GUK1: variants seen among roughly 807,000 people sequenced by gnomAD.
The protein encoded by GUK1 is guanylate kinase 1.
Under a neutral mutation model 25.2 loss-of-function variants are expected in GUK1, and 18 were observed. The observed-to-expected ratio is 0.71, with a 90% CI of 0.49 to 1.06. The LOEUF (loss-of-function observed/expected upper bound fraction) is 1.06, where lower values mean the gene tolerates loss of function less well. Among genes scored for constraint, GUK1 ranks in the 50% least tolerant of loss-of-function variants. The pLI is 0.00. For synonymous variants in GUK1, 105 were observed against 117.6 expected (o/e 0.89, Z 0.69); for missense variants, 261 against 276.7 (o/e 0.94, Z 0.40).
In GUK1 at chr1:228,148,355, C is replaced by T; in HGVS notation, c.476-16C>T. On this transcript the variant is annotated splice_polypyrimidine_tract_variant and intron_variant, in intron 7 of 8. Coordinates refer to ENST00000312726, the MANE Select transcript of GUK1 (RefSeq NM_000858.7). ...GCATGGGCTCACTGTGCCCTGACCC[C>T]AGGCCCCACCCACAGGCAAGGAGCC... The T allele has an allele frequency of 1.3e-6, 2 of 1,550,952 alleles. No homozygotes were observed. Among genetic ancestry groups the T allele is most frequent in the Non-Finnish European group, 1.8e-6 (2 of 1,138,046 alleles).
At chr1:228,147,137 A>G (rs2034427570) in intron 5 of GUK1, among the ~76,000 whole-genome samples, 199 bp downstream of exon 4, 1 of 152,056 alleles carries the variant, frequency 6.6e-6, no homozygotes, top group African/African-American at 2.4e-5. Flanking sequence ...CGGTCCTGCC[A>G]CCGTGCATTG....
rs1465103706 is a variant in GUK1 at position 228,148,844 on chromosome 1, C to G, written c.*147C>G. The G allele has an allele frequency of 6.5e-7, 1 of 1,539,074 alleles. No individual in the cohort carries two copies. Among genetic ancestry groups the G allele is most frequent in the South Asian group, 1.2e-5 (1 of 84,796 alleles). On this transcript the variant is annotated 3_prime_UTR_variant, in exon 9 of 9. Coordinates refer to ENST00000312726, the MANE Select transcript of GUK1 (RefSeq NM_000858.7). ...ATGCTGCCCCTGTGGTTGGAACATC[C>G]TGGGGTGACCCCCGACCCAGCCTCG...
intron 4 of GUK1, 25 bp from the exon 4 acceptor site, chr1:228,146,817 C>G (rs1283991518): frequency 4.6e-6 from 7 of 1,535,024 alleles, no homozygotes; most frequent in Non-Finnish European, 6.3e-6. Flanking sequence ...AGTCTGCCCT[C>G]TGGATGGCCC....
chr1:228,145,361 A>C, intron 2 of GUK1, 150 bp from the exon 2 acceptor site: 1 of 772,000 alleles, frequency 1.3e-6, no homozygotes, highest in Non-Finnish European at 2.0e-6. Flanking sequence ...CTCAGGGGGA[A>C]GAACACCCAG....
chr1:228,146,439 C>T, intron 4 of GUK1: 1 of 436,890 alleles, frequency 2.3e-6, no homozygotes, highest in Non-Finnish European at 4.2e-6. Flanking sequence ...AAGGGACCCC[C>T]TTCCCAACAG....
At chr1:228,142,402 A>T (rs1475062466) in intron 2 of GUK1, among the ~76,000 whole-genome samples, 1 of 152,092 alleles carries the variant, frequency 6.6e-6, no homozygotes, top group Non-Finnish European at 1.5e-5. Context: ...GCGAGGCTGG[A>T]GCCTGGACCC....
chr1:228,144,643 TG>T, intron 2 of GUK1: 1 of 812,660 alleles, frequency 1.2e-6, no homozygotes, highest in Non-Finnish European at 1.5e-6. Flanking sequence ...CTTAGAAGGG[TG>T]GGGCCAGAAG....
At chr1:228,147,375 G>A in intron 5 of GUK1, 31 bp from the exon 5 acceptor site, 1 of 1,597,862 alleles carries the variant, frequency 6.3e-7, no homozygotes, top group Non-Finnish European at 8.5e-7. Flanking sequence ...GAGAGCCCTG[G>A]CACCCCTGCT....
At chr1:228,146,735 G>A (rs55873533) in intron 4 of GUK1, 107 bp from the exon 4 acceptor site, 221,169 of 764,528 alleles carry the variant, frequency 0.29, 35,675 homozygotes, top group Non-Finnish European at 0.35. Flanking sequence ...TAAAGCAGTC[G>A]TGGGTGTGGG....
chr1:228,147,563 T>G lies in GUK1; in HGVS notation c.390+19T>G, dbSNP rs753229813. ...CGTGCTGGTGTGTGCTGGGCAGGGT[T>G]GGGGGCTGGGGGCCAGGGCATGCCA... On this transcript the variant is annotated intron_variant, in intron 6 of 8. Transcript: ENST00000312726. The G allele has an allele frequency of 1.2e-6, 2 of 1,613,004 alleles. No individual in the cohort carries two copies. Among genetic ancestry groups the G allele is most frequent in the Admixed American group, 1.7e-5 (1 of 60,018 alleles).
intron 3 of GUK1, 81 bp downstream of exon 2, chr1:228,145,705 C>G: frequency 6.6e-7 from 1 of 1,508,908 alleles, no homozygotes; most frequent in African/African-American, 1.4e-5. Flanking sequence ...GGCCAGGAGC[C>G]CAAACCCAAC....
chr1:228,148,620 T>C, intron 8 of GUK1, 45 bp from the exon 8 acceptor site: 2 of 1,547,838 alleles, frequency 1.3e-6, no homozygotes, highest in Non-Finnish European at 1.8e-6. Flanking sequence ...GCCCAGCCCT[T>C]CCTGGATACC....
intron 2 of GUK1, chr1:228,145,235 T>C (rs747874663): frequency 2.7e-5 from 7 of 257,228 alleles, no homozygotes; most frequent in East Asian, 2.4e-4. Flanking sequence ...TGGGTTTCAG[T>C]TGGGGGGCTC....
intron 8 of GUK1, 53 bp from the exon 8 acceptor site, chr1:228,148,612 C>G: frequency 6.6e-7 from 1 of 1,509,612 alleles, no homozygotes; most frequent in Non-Finnish European, 9.1e-7. Context: ...AGCAGGAAGC[C>G]CAGCCCTTCC....
upstream of GUK1, chr1:228,140,200 A>G (rs1197811029): frequency 2.1e-6 from 2 of 933,314 alleles, no homozygotes; most frequent in Admixed American, 4.8e-5. Flanking sequence ...CGAGTGAGAC[A>G]TGGGCGGGGC....
At position 228,147,512 on chromosome 1, in the gene GUK1, A is replaced by G. The variant is rs2034449678; in HGVS notation, c.358A>G (p.Ile120Val). 2 of 1,613,198 alleles carry G rather than the reference A, an allele frequency of 1.2e-6. No individual in the cohort carries two copies. Among genetic ancestry groups the G allele is most frequent in the Non-Finnish European group, 1.7e-6 (2 of 1,179,934 alleles). Reference sequence around the variant, plus strand: ...GGCCACCGATCTGCGGCCCATCTACATCTCTGTGCAGCCGCCTTCACTGCA... The same window carrying G: ...GGCCACCGATCTGCGGCCCATCTACGTCTCTGTGCAGCCGCCTTCACTGCA... Residue 120 changes from isoleucine to valine, a missense_variant, in exon 6 of 9, where the codon ATC becomes GTC. Ile to Val is a conservative substitution (Grantham distance 29). Transcript: ENST00000312726.
intron 2 of GUK1, among the ~76,000 whole-genome samples, chr1:228,142,173 G>A (rs1369173918): frequency 2.0e-5 from 3 of 152,234 alleles, no homozygotes; most frequent in African/African-American, 7.2e-5. Flanking sequence ...CTTCTGCAAG[G>A]CCCGCATCCA....
chr1:228,142,301 C>T (rs1161824076), intron 2 of GUK1, among the ~76,000 whole-genome samples: 1 of 152,114 alleles, frequency 6.6e-6, no homozygotes, highest in African/African-American at 2.4e-5. Flanking sequence ...GAGTGTTGGC[C>T]CGTCCAGAGT....
In GUK1 at chr1:228,147,440, C is replaced by G. The variant is rs79263162; in HGVS notation, c.286C>G (p.Arg96Gly). The change falls in exon 6 of 9, where the codon CGC becomes GGC. Residue 96 changes from arginine (R) to glycine (G), a missense_variant. Coordinates refer to ENST00000312726, the MANE Select transcript of GUK1 (RefSeq NM_000858.7). The stretch of plus-strand genomic sequence containing the variant: ...GGTGCAGGCCGTGCAGGCCATGAAC[C>G]GCATCTGTGTGCTGGACGTGGACCT... The G allele has an allele frequency of 3.1e-6, 5 of 1,612,570 alleles. No individual in the cohort carries two copies. The highest frequency in any genetic ancestry group is 1.7e-5 in the Admixed American group (1 of 60,002).
Sources: allele counts gnomAD v4.1 joint callset (sites outside exome capture counted in the v4.1 genomes callset), GRCh38; gene constraint gnomAD v4.1.1; transcripts MANE v1.5; gene names NCBI Gene and HGNC (gene_info 2026-07-23, HGNC 2026-07-21).